XRN1: variants seen among roughly 807,000 people sequenced by gnomAD.
XRN1 encodes strand-exchange protein 1 homolog.
Under a neutral mutation model 222.3 loss-of-function variants are expected in XRN1, and 67 were observed. The ratio of observed to expected loss-of-function variants is 0.30; its 90% CI spans 0.25 to 0.37. The LOEUF is 0.37. XRN1 is among the 10% of genes least tolerant of loss of function. The probability of loss-of-function intolerance (pLI) is 1.00; values close to 1 mark genes in which losing one functional copy is unlikely to be tolerated. For synonymous variants in XRN1, 643 were observed against 652.4 expected (o/e 0.99, Z 0.22); for missense variants, 1,707 against 2,000.2 (o/e 0.85, Z 2.80).
intron 22 of XRN1, among the ~76,000 whole-genome samples, chr3:142,381,413 T>C (rs774013009): frequency 2.6e-4 from 40 of 152,184 alleles, no homozygotes; most frequent in Non-Finnish European, 4.6e-4. Context: ...CCAAATAATG[T>C]CCTTTATAGA....
At chr3:142,439,907 A>G (rs778241235) in intron 1 of XRN1, among the ~76,000 whole-genome samples, 3 of 152,164 alleles carry the variant, frequency 2.0e-5, no homozygotes, top group Non-Finnish European at 4.4e-5. Flanking sequence ...AAGTAGAAAT[A>G]AGCCGCCCCC....
In XRN1 at chr3:142,370,467, G is replaced by T; in HGVS notation, c.3204+18C>A. On this transcript the variant is annotated intron_variant, in intron 27 of 40. Coordinates refer to ENST00000392981, the MANE Select transcript of XRN1 (RefSeq NM_001282857.2). The stretch of plus-strand genomic sequence containing the variant: ...ATTCCAAATCTCATCAATAATCTTG[G>T]TTACTGAAAGTTAGTACCTTGCACT... 1 of 1,585,010 alleles carries T rather than the reference G, an allele frequency of 6.3e-7. No individual in the cohort carries two copies. Among genetic ancestry groups the T allele is most frequent in the Non-Finnish European group, 8.5e-7 (1 of 1,171,456 alleles).
intron 16 of XRN1, 146 bp from the exon 17 acceptor site, chr3:142,404,135 G>T: frequency 1.4e-6 from 1 of 690,056 alleles, no homozygotes; most frequent in Non-Finnish European, 2.3e-6. Flanking sequence ...GAAAACACAA[G>T]CAGATAACCA....
Position 142,365,182 on chromosome 3 carries a change from G to A in XRN1, c.3262-3C>T. 2 of 1,602,206 alleles carry A rather than the reference G, an allele frequency of 1.2e-6. No homozygotes were observed. Among genetic ancestry groups the A allele is most frequent in the Non-Finnish European group, 1.7e-6 (2 of 1,176,328 alleles). The stretch of plus-strand genomic sequence containing the variant: ...ACTCCATGTTGCTGTTCTAAAGGCT[G>A]AAGAGAAGAAAGCTATTAATTATAA... On this transcript the variant is annotated splice_region_variant and splice_polypyrimidine_tract_variant and intron_variant, in intron 28 of 40. Transcript: ENST00000392981.
chr3:142,397,417 C>G lies in XRN1; in HGVS notation c.2251G>C (p.Gly751Arg). The change falls in exon 20 of 41, where the codon GGA becomes CGA. Residue 751 changes from glycine to arginine, a missense_variant. Gly to Arg is a moderately radical substitution (Grantham distance 125). Coordinates refer to ENST00000392981, the MANE Select transcript of XRN1 (RefSeq NM_001282857.2). ...EPPGTQKLYS[G>R]RTAPPSKVVH... ...ACTTTAGATGGTGGGGCAGTTCTTCCTGAATAAAGCTTCTGTGTTCCTGGA... is the reference window on the plus strand; with the variant it reads ...ACTTTAGATGGTGGGGCAGTTCTTCGTGAATAAAGCTTCTGTGTTCCTGGA... 6.2e-7 allele frequency: 1 copy of G among 1,608,272 alleles called. No individual in the cohort carries two copies. Among genetic ancestry groups the G allele is most frequent in the Non-Finnish European group, 8.5e-7 (1 of 1,176,686 alleles).
At chr3:142,445,193 CT>C (rs1190023138) in intron 1 of XRN1, among the ~76,000 whole-genome samples, 2 of 151,972 alleles carry the variant, frequency 1.3e-5, no homozygotes, top group Admixed American at 1.3e-4. Flanking sequence ...AGGCTCAGCT[CT>C]GCATTTTTTT....
chr3:142,370,122 T>C (rs1313827782), intron 27 of XRN1, among the ~76,000 whole-genome samples: 2 of 151,958 alleles, frequency 1.3e-5, no homozygotes, highest in East Asian at 3.8e-4. Flanking sequence ...TCTCAAACTT[T>C]CTACTGTAAC....
intron 22 of XRN1, among the ~76,000 whole-genome samples, chr3:142,381,271 A>C (rs887028710): frequency 1.3e-5 from 2 of 152,158 alleles, no homozygotes; most frequent in African/African-American, 4.8e-5. Context: ...CCCTGACCTC[A>C]ATATTTCAGT....
At chr3:142,380,614 C>T (rs1160774247) in intron 22 of XRN1, among the ~76,000 whole-genome samples, 1 of 151,898 alleles carries the variant, frequency 6.6e-6, no homozygotes, top group Non-Finnish European at 1.5e-5. Flanking sequence ...TTGGTCTCCC[C>T]AAAGTGGTAA....
In XRN1 at chr3:142,312,665, T is replaced by C; in HGVS notation, c.4715A>G (p.Tyr1572Cys). Reference protein sequence around the residue: ...VPGKPFHHTLYSGTMPMAGGI... With the variant: ...VPGKPFHHTLCSGTMPMAGGI... ...CCCAGCCATGGGCATGGTCCCAGAA[T>C]ATAAAGTATGATGGAAGGGCTTCCC... Residue 1572 changes from tyrosine (Y) to cysteine (C), a missense_variant, in exon 40 of 41, where the codon TAT becomes TGT. By Grantham distance (194) the Tyr-to-Cys change is radical. Around this residue, in one of 2 missense-constraint regions of XRN1, gnomAD observed 473 missense variants for 482.0 expected, o/e 0.98. Transcript: ENST00000392981. 7 of 1,613,894 alleles carry C rather than the reference T, an allele frequency of 4.3e-6. No homozygotes were observed. In the East Asian group the frequency reaches 1.1e-4, roughly 26 times the overall value.
At chr3:142,410,897 T>C (rs574182675) in intron 15 of XRN1, among the ~76,000 whole-genome samples, 2 of 152,314 alleles carry the variant, frequency 1.3e-5, no homozygotes, top group South Asian at 4.1e-4. Flanking sequence ...CTCTGGAATA[T>C]GCTAGTCTAA....
At chr3:142,407,335 AT>A in intron 15 of XRN1, among the ~76,000 whole-genome samples, 1 of 152,024 alleles carries the variant, frequency 6.6e-6, no homozygotes, top group Non-Finnish European at 1.5e-5. Flanking sequence ...TTTAAAATTT[AT>A]TTATTTATTT....
chr3:142,339,342 T>TG (rs1436368028), intron 33 of XRN1, among the ~76,000 whole-genome samples: 1 of 152,142 alleles, frequency 6.6e-6, no homozygotes, highest in Non-Finnish European at 1.5e-5. Context: ...ATGGCACCTC[T>TG]GATCCTGTAA....
intron 32 of XRN1, among the ~76,000 whole-genome samples, chr3:142,351,983 T>C (rs1303711069): frequency 1.3e-5 from 2 of 151,812 alleles, no homozygotes; most frequent in Non-Finnish European, 2.9e-5. Flanking sequence ...CCACCATTCC[T>C]CAGGCATATA....
intron 13 of XRN1, among the ~76,000 whole-genome samples, chr3:142,414,838 G>A (rs2068724444): frequency 6.6e-6 from 1 of 152,148 alleles, no homozygotes; most frequent in Non-Finnish European, 1.5e-5. Context: ...TTCTGAAATT[G>A]GGATGAATCA....
chr3:142,433,952 T>C (rs2069744682), intron 1 of XRN1, among the ~76,000 whole-genome samples: 1 of 152,198 alleles, frequency 6.6e-6, no homozygotes, highest in Non-Finnish European at 1.5e-5. Context: ...TTTTATGAAA[T>C]ACCTATTTAT....
At chr3:142,363,408 CCTT>C (rs1436323631) in intron 29 of XRN1, among the ~76,000 whole-genome samples, 8 of 152,036 alleles carry the variant, frequency 5.3e-5, no homozygotes, top group African/African-American at 1.9e-4. Context: ...AGACATTATC[CCTT>C]CTTCATCAAA....
intron 33 of XRN1, among the ~76,000 whole-genome samples, chr3:142,344,295 G>C (rs2066078911): frequency 6.6e-6 from 1 of 152,094 alleles, no homozygotes; most frequent in African/African-American, 2.4e-5. Flanking sequence ...ACCCTGATGT[G>C]ATCATTATGC....
chr3:142,385,525 T>C (rs2067466714), intron 20 of XRN1, among the ~76,000 whole-genome samples: 1 of 152,210 alleles, frequency 6.6e-6, no homozygotes, highest in Admixed American at 6.5e-5. Flanking sequence ...AAAAGTTTAC[T>C]GGAACATAGT....
Sources: gnomAD v4.1 joint callset for allele counts (sites outside exome capture counted in the v4.1 genomes callset) on GRCh38, gnomAD v4.1.1 for gene constraint, gnomAD v4.1.1 regional missense constraint, MANE v1.5 for transcripts, NCBI Gene and HGNC (gene_info 2026-07-23, HGNC 2026-07-21) for gene names.